Variants in USP47 observed in about 807,000 individuals in gnomAD.
USP47 encodes the protein ubiquitin carboxyl-terminal hydrolase 47.
A neutral mutation model predicts 165.1 loss-of-function variants in USP47; 35 were observed. The ratio of observed to expected loss-of-function variants is 0.21; its 90% CI spans 0.16 to 0.28. USP47 has a LOEUF of 0.28. Ranked by LOEUF, USP47 falls within the 10% of genes least tolerant of loss-of-function variation. USP47 has a pLI of 1.00. For missense variants in USP47, 1,277 were observed against 1,607.4 expected (o/e 0.79, Z 3.52); for synonymous variants, 531 against 544.5 (o/e 0.98, Z 0.35).
chr11:11,882,996 T>C (rs1401889950), intron 2 of USP47, among the ~76,000 whole-genome samples: 1 of 152,214 alleles, frequency 6.6e-6, no homozygotes, highest in Admixed American at 6.5e-5. Flanking sequence ...TCTACAAATA[T>C]GACTACTTTC....
intron 7 of USP47, 126 bp downstream of exon 7, chr11:11,903,468 G>A: frequency 1.2e-6 from 1 of 815,114 alleles, no homozygotes; most frequent in Non-Finnish European, 1.9e-6. Context: ...GTACCCAATG[G>A]GAAATTGAAA....
chr11:11,851,299 A>G (rs942452123), intron 1 of USP47, among the ~76,000 whole-genome samples: 2 of 152,180 alleles, frequency 1.3e-5, no homozygotes, highest in African/African-American at 4.8e-5. Context: ...ATCCTGTTAT[A>G]TGCTCTCTAG....
chr11:11,954,054 A>C (rs1384791276), intron 25 of USP47, among the ~76,000 whole-genome samples: 1 of 152,112 alleles, frequency 6.6e-6, no homozygotes, highest in East Asian at 1.9e-4. Flanking sequence ...GTTCGAGACC[A>C]GCCTGGCCAA....
chr11:11,907,385 T>G (rs1469720118), intron 8 of USP47, among the ~76,000 whole-genome samples: 1 of 152,174 alleles, frequency 6.6e-6, no homozygotes, highest in Non-Finnish European at 1.5e-5. Context: ...TTTCTAGACT[T>G]TGCTGGAATC....
At chr11:11,940,220 G>C (rs1855370696) in intron 18 of USP47, among the ~76,000 whole-genome samples, 1 of 151,894 alleles carries the variant, frequency 6.6e-6, no homozygotes. Flanking sequence ...ATTTATAAAT[G>C]GTACTTTGTT....
Position 11,948,462 on chromosome 11 carries a change from T to C in USP47, c.3268-16T>C. ...TGCTGAGACAGCATGTCTAAAAAAATGTTTTTAACTTATAGATTACAATTA... is the reference window on the plus strand; with the variant it reads ...TGCTGAGACAGCATGTCTAAAAAAACGTTTTTAACTTATAGATTACAATTA... On this transcript the variant is annotated splice_polypyrimidine_tract_variant and intron_variant, in intron 21 of 27. Coordinates refer to ENST00000527733, the MANE Select transcript of USP47 (RefSeq NM_001282659.2). The C allele has an allele frequency of 6.3e-7, 1 of 1,599,422 alleles. No homozygotes were observed.
Position 11,842,243 on chromosome 11 carries a change from G to A in USP47, c.39+19G>A. On this transcript the variant is annotated intron_variant, in intron 1 of 27. Coordinates refer to ENST00000527733, the MANE Select transcript of USP47 (RefSeq NM_001282659.2). ...GAAAGAGGTGAGGGGCCCCAGAGGA[G>A]GTTAGGCCTTAGGCCTGCGGCCGCT... 3 of 1,551,828 alleles carry A rather than the reference G, an allele frequency of 1.9e-6. No homozygotes were observed. The highest frequency in any genetic ancestry group is 1.2e-5 in the South Asian group (1 of 84,048).
At chr11:11,897,761 T>C in intron 5 of USP47, 68 bp downstream of exon 5, 7 of 1,140,772 alleles carry the variant, frequency 6.1e-6, no homozygotes, top group Non-Finnish European at 8.9e-6. Context: ...TTAACAAAAT[T>C]TATCTTCTTG....
At chr11:11,854,769 CAAGT>C (rs1848931151) in intron 1 of USP47, among the ~76,000 whole-genome samples, 1 of 147,376 alleles carries the variant, frequency 6.8e-6, no homozygotes, top group East Asian at 2.0e-4. Flanking sequence ...CTTATATGAT[CAAGT>C]AAGACCTATT....
chr11:11,950,353 C>T lies in USP47; in HGVS notation c.3465-11C>T. ...ATTATAGTCGTTTTAAATGTCTTAT[C>T]ACATTTGTAGGTTTCGTCTAAGGAA... On this transcript the variant is annotated splice_polypyrimidine_tract_variant and intron_variant, in intron 23 of 27. Transcript: ENST00000527733. 9.9e-6 allele frequency: 15 copies of T among 1,521,652 alleles called. No homozygotes were observed. The highest frequency in any genetic ancestry group is 1.3e-5 in the Non-Finnish European group (15 of 1,121,222). The allele number at this position is 1,521,652 out of a possible 1,614,324, so 94.3% of individuals were successfully genotyped here. A position where few individuals can be genotyped will look rare whatever the true frequency, so the allele number is the denominator to read the frequency against.
At chr11:11,846,792 G>A (rs1428541023) in intron 1 of USP47, among the ~76,000 whole-genome samples, 2 of 152,082 alleles carry the variant, frequency 1.3e-5, no homozygotes, top group Non-Finnish European at 2.9e-5. Context: ...CATGTCAAAT[G>A]CATATTCTTT....
intron 7 of USP47, among the ~76,000 whole-genome samples, chr11:11,904,520 A>G (rs1272148169): frequency 6.6e-6 from 1 of 152,144 alleles, no homozygotes; most frequent in African/African-American, 2.4e-5. Flanking sequence ...TTTAGTAACT[A>G]TGTAGATGGT....
At chr11:11,915,624 A>G (rs534150049) in intron 8 of USP47, among the ~76,000 whole-genome samples, 31 of 152,270 alleles carry the variant, frequency 2.0e-4, no homozygotes, top group Admixed American at 1.8e-3. Context: ...AGGTCTCTGT[A>G]TGTTATTTCT....
chr11:11,909,754 T>A (rs1340816566), intron 8 of USP47, among the ~76,000 whole-genome samples: 3 of 152,206 alleles, frequency 2.0e-5, no homozygotes, highest in Non-Finnish European at 2.9e-5. Flanking sequence ...TTTCATACAG[T>A]GCCTTTGGAG....
chr11:11,934,472 A>T (rs1461143732), intron 16 of USP47, among the ~76,000 whole-genome samples: 1 of 152,152 alleles, frequency 6.6e-6, no homozygotes. Flanking sequence ...CAGCGATGCA[A>T]AAAGTTGAGG....
chr11:11,884,687 A>G (rs1851042571), intron 3 of USP47, 107 bp downstream of exon 3: 1 of 726,272 alleles, frequency 1.4e-6, no homozygotes, highest in Admixed American at 3.1e-5. Context: ...AATTTGTGTA[A>G]TAAATTAATA....
At chr11:11,948,223 G>T in intron 21 of USP47, 103 bp downstream of exon 21, 1 of 1,334,526 alleles carries the variant, frequency 7.5e-7, no homozygotes, top group Non-Finnish European at 1.0e-6. Context: ...AAACTGGAAG[G>T]ATTTTTTTTT....
intron 18 of USP47, among the ~76,000 whole-genome samples, chr11:11,939,188 G>T (rs1014177778): frequency 6.6e-6 from 1 of 151,938 alleles, no homozygotes; most frequent in Non-Finnish European, 1.5e-5. Context: ...CCTTACAAGG[G>T]TCCTGTACTC....
chr11:11,914,941 C>T (rs980796223), intron 8 of USP47, among the ~76,000 whole-genome samples: 3 of 152,146 alleles, frequency 2.0e-5, no homozygotes, highest in African/African-American at 7.2e-5. Flanking sequence ...TAAAATGACA[C>T]GTGCAGTTAC....
Sources: allele counts gnomAD v4.1 joint callset (sites outside exome capture counted in the v4.1 genomes callset), GRCh38; gene constraint gnomAD v4.1.1; transcripts MANE v1.5; gene names NCBI Gene and HGNC (gene_info 2026-07-23, HGNC 2026-07-21).